The following UGT2B4 variants were observed in gnomAD, a reference collection of about 807,000 sequenced individuals.
The protein encoded by UGT2B4 is UDP glucuronosyltransferase family 2 member B4, also known as UDP-glucuronosyltransferase 2B4.
UGT2B4 carries 49 observed loss-of-function variants against 49.8 expected under a neutral mutation model. The ratio of observed to expected loss-of-function variants is 0.98; its 90% CI spans 0.78 to 1.25. UGT2B4 has a LOEUF of 1.25. Ranked by LOEUF, UGT2B4 falls within the 50% of genes most tolerant of loss-of-function variation. The pLI is 0.00. For synonymous variants in UGT2B4, 246 were observed against 217.7 expected (o/e 1.13, Z -1.14); for missense variants, 729 against 627.7 (o/e 1.16, Z -1.73).
chr4:69,505,466 G>A (rs1194854482), intron 1 of UGT2B4, among the ~76,000 whole-genome samples: 1 of 150,948 alleles, frequency 6.6e-6, no homozygotes, highest in Non-Finnish European at 1.5e-5. Context: ...AAACGAAAAA[G>A]AGAAGAACAC....
intron 1 of UGT2B4, among the ~76,000 whole-genome samples, chr4:69,510,118 C>G (rs1170785913): frequency 6.6e-6 from 1 of 152,156 alleles, no homozygotes; most frequent in African/African-American, 2.4e-5. Flanking sequence ...TGACATTCCT[C>G]ATTGAATGTA....
chr4:69,489,166 G>C (rs1845556), intron 3 of UGT2B4, among the ~76,000 whole-genome samples: 1 of 151,770 alleles, frequency 6.6e-6, no homozygotes, highest in Non-Finnish European at 1.5e-5. Flanking sequence ...CCTGACCCCA[G>C]TATCATGATA....
intron 2 of UGT2B4, among the ~76,000 whole-genome samples, chr4:69,490,804 G>A (rs560818477): frequency 2.5e-4 from 38 of 152,184 alleles, no homozygotes; most frequent in African/African-American, 7.2e-4. Context: ...GGTATTGTGC[G>A]TAATTGCAGT....
chr4:69,503,772 T>G (rs967523862), intron 1 of UGT2B4, among the ~76,000 whole-genome samples: 4 of 152,178 alleles, frequency 2.6e-5, no homozygotes, highest in African/African-American at 7.2e-5. Flanking sequence ...CCTCCTCCAG[T>G]TGCCTTGCTT....
chr4:69,498,259 G>T (rs1728215766), upstream of UGT2B4, among the ~76,000 whole-genome samples: 1 of 152,144 alleles, frequency 6.6e-6, no homozygotes, highest in African/African-American at 2.4e-5. Context: ...AGTATTTCTT[G>T]TGTTAGCAAA....
At chr4:69,483,804 T>G (rs1727683650) in intron 5 of UGT2B4, among the ~76,000 whole-genome samples, 1 of 152,234 alleles carries the variant, frequency 6.6e-6, no homozygotes, top group South Asian at 2.1e-4. Context: ...TCAAAAATTT[T>G]ACTCACTAAA....
chr4:69,498,697 T>C (rs954012875), upstream of UGT2B4, among the ~76,000 whole-genome samples: 1 of 152,214 alleles, frequency 6.6e-6, no homozygotes, highest in African/African-American at 2.4e-5. Context: ...TGTGTTTCTA[T>C]GGAGTCAGTG....
At chr4:69,509,664 A>AT (rs1473588587) in intron 1 of UGT2B4, among the ~76,000 whole-genome samples, 1 of 151,554 alleles carries the variant, frequency 6.6e-6, no homozygotes, top group Non-Finnish European at 1.5e-5. Flanking sequence ...TTTTTCAGGT[A>AT]TTTTTCCATT....
intron 2 of UGT2B4, among the ~76,000 whole-genome samples, chr4:69,489,849 A>T (rs1727928590): frequency 6.6e-6 from 1 of 152,080 alleles, no homozygotes; most frequent in African/African-American, 2.4e-5. Flanking sequence ...ATTTGAGGAG[A>T]TACCCAAACT....
Position 69,493,738 on chromosome 4 carries a change from C to T in UGT2B4, c.825G>A (p.Glu275=). ...GTTTGCAGTGGAGTCCTCCAACGAACTCAACATTTGGTAAGAGTGGGTGAG... is the reference window on the plus strand; with the variant it reads ...GTTTGCAGTGGAGTCCTCCAACGAATTCAACATTTGGTAAGAGTGGGTGAG... ...QFPHPLLPNV[E]FVGGLHCKPA... is the part of the protein sequence containing the mutation. The change falls in exon 2 of 6, where the codon GAG becomes GAA. Residue 275 remains glutamate (E), a synonymous_variant. Coordinates refer to ENST00000305107, the MANE Select transcript of UGT2B4 (RefSeq NM_021139.3). 1 of 1,611,324 alleles carries T rather than the reference C, an allele frequency of 6.2e-7. No individual in the cohort carries two copies. Among genetic ancestry groups the T allele is most frequent in the Non-Finnish European group, 8.5e-7 (1 of 1,178,788 alleles).
At chr4:69,490,298 T>C (rs1727942825) in intron 2 of UGT2B4, among the ~76,000 whole-genome samples, 1 of 152,222 alleles carries the variant, frequency 6.6e-6, no homozygotes, top group Admixed American at 6.5e-5. Context: ...CGAATGATTA[T>C]ATTTTTCAGG....
upstream of UGT2B4, chr4:69,495,966 A>T (rs1318156): frequency 6.7e-7 from 1 of 1,485,782 alleles, no homozygotes; most frequent in South Asian, 1.4e-5. Context: ...TAACTTTTAC[A>T]CTTCAAAGTA....
chr4:69,482,320 G>A (rs563859416), intron 5 of UGT2B4, among the ~76,000 whole-genome samples: 7 of 152,122 alleles, frequency 4.6e-5, no homozygotes, highest in South Asian at 2.1e-4. Flanking sequence ...TACATTGTAC[G>A]TCTTCTAAAA....
At chr4:69,523,068 A>G (rs939597049) in intron 1 of UGT2B4, among the ~76,000 whole-genome samples, 2 of 152,110 alleles carry the variant, frequency 1.3e-5, no homozygotes, top group Non-Finnish European at 2.9e-5. Context: ...TGCTATTTTC[A>G]CCACACCTGC....
chr4:69,509,458 A>G (rs1728555453), intron 1 of UGT2B4, among the ~76,000 whole-genome samples: 1 of 152,158 alleles, frequency 6.6e-6, no homozygotes, highest in African/African-American at 2.4e-5. Context: ...CCTACAGTGT[A>G]CAAGAGTTTT....
chr4:69,521,436 G>A (rs567903016), intron 1 of UGT2B4, among the ~76,000 whole-genome samples: 2 of 152,284 alleles, frequency 1.3e-5, no homozygotes, highest in Middle Eastern at 3.4e-3. Context: ...GTGGGTGACT[G>A]CAGCAGAAGC....
chr4:69,499,135 A>G (rs190674262), upstream of UGT2B4, among the ~76,000 whole-genome samples: 384 of 152,276 alleles, frequency 2.5e-3, 1 homozygote, highest in African/African-American at 8.9e-3. Flanking sequence ...GGAGTCATTC[A>G]AGAGCAGGTT....
chr4:69,518,673 T>C (rs575364004), intron 1 of UGT2B4, among the ~76,000 whole-genome samples: 1 of 152,238 alleles, frequency 6.6e-6, no homozygotes, highest in African/African-American at 2.4e-5. Context: ...ACAATAACTT[T>C]TAGAGTTAAT....
At chr4:69,523,958 T>G (rs1216978101) in intron 1 of UGT2B4, among the ~76,000 whole-genome samples, 1 of 152,124 alleles carries the variant, frequency 6.6e-6, no homozygotes, top group Non-Finnish European at 1.5e-5. Context: ...AGCCAATGTC[T>G]GCTAGCTTCC....
Sources: allele counts gnomAD v4.1 joint callset (sites outside exome capture counted in the v4.1 genomes callset), GRCh38; gene constraint gnomAD v4.1.1; transcripts MANE v1.5; gene names NCBI Gene and HGNC (gene_info 2026-07-23, HGNC 2026-07-21).